Variants in PMEL observed in about 807,000 individuals in gnomAD.
PMEL encodes melanocyte protein PMEL.
PMEL carries 53 observed loss-of-function variants against 64.9 expected under a neutral mutation model. That is an observed-to-expected ratio of 0.82 (90% CI 0.66 to 1.03). PMEL has a LOEUF of 1.03. Among genes scored for constraint, PMEL ranks in the 50% least tolerant of loss-of-function variants. The pLI is 0.00. For missense variants in PMEL, 716 were observed against 814.9 expected, an observed-to-expected ratio of 0.88 and a Z score of 1.48; for synonymous variants, 299 against 316.2, an observed-to-expected ratio of 0.95 and a Z score of 0.58.
At chr12:55,956,033 G>A (rs1228839859) in intron 7 of PMEL, 70 bp downstream of exon 7, 1 of 1,179,174 alleles carries the variant, frequency 8.5e-7, no homozygotes, top group South Asian at 1.2e-5. Flanking sequence ...CTCCCAAGGT[G>A]TGCTTCCACT....
At chr12:55,958,697 G>A (rs996697535) in intron 3 of PMEL, 90 bp from the exon 4 acceptor site, 3 of 1,305,540 alleles carry the variant, frequency 2.3e-6, no homozygotes, top group Non-Finnish European at 3.2e-6. Flanking sequence ...TATCAGAGAG[G>A]GGCTCTGGGA....
chr12:55,958,344 T>C, intron 4 of PMEL, 129 bp downstream of exon 4: 2 of 999,816 alleles, frequency 2.0e-6, no homozygotes, highest in Non-Finnish European at 2.9e-6. Context: ...AGAGAAAAGA[T>C]CTAAGAGGAA....
At position 55,961,436 on chromosome 12, in the gene PMEL, T is replaced by C. The variant is rs1889098515; in HGVS notation, c.215A>G (p.Asn72Ser). 1 of 1,614,076 alleles carries C rather than the reference T, an allele frequency of 6.2e-7. No individual in the cohort carries two copies. The highest frequency in any genetic ancestry group is 8.5e-7 in the Non-Finnish European group (1 of 1,180,020). ...TGCACCAATCAGTGTAGGCCCATCA[T>C]TACTGACCTTGAGGGACACTTGACC... ...RGGQVSLKVS[N>S]DGPTLIGANA... The change falls in exon 3 of 11, where the codon AAT becomes AGT. Residue 72 changes from asparagine to serine, a missense_variant. Asn to Ser is a conservative substitution (Grantham distance 46). Transcript: ENST00000548747.
chr12:55,959,525 C>G (rs1222022082), intron 3 of PMEL, among the ~76,000 whole-genome samples: 1 of 151,936 alleles, frequency 6.6e-6, no homozygotes, highest in African/African-American at 2.4e-5. Context: ...CACTAGGGGG[C>G]CAGGCGCAGT....
intron 1 of PMEL, among the ~76,000 whole-genome samples, chr12:55,962,414 G>A (rs1271003819): frequency 1.8e-5 from 2 of 113,054 alleles, no homozygotes; most frequent in African/African-American, 6.9e-5. Flanking sequence ...TTGCACCAGT[G>A]TACTCCAGCT....
Position 55,954,263 on chromosome 12 carries a change from G to A in PMEL, c.1937C>T (p.Ser646Phe), listed in dbSNP as rs1273071763. ...GGGGCTGTTCTCACCAATGGGACAAGAGCAGAAGATGCGGGGTAGACGCAG... is the reference window on the plus strand; with the variant it reads ...GGGGCTGTTCTCACCAATGGGACAAAAGCAGAAGATGCGGGGTAGACGCAG... Reference protein sequence around the residue: ...HWLRLPRIFCSCPIGENSPLL... With the variant: ...HWLRLPRIFCFCPIGENSPLL... The change falls in exon 11 of 11, where the codon TCT becomes TTT. Residue 646 changes from serine (S) to phenylalanine (F), a missense_variant. By Grantham distance (155) the Ser-to-Phe change is radical. Transcript: ENST00000548747. 2 of 1,613,702 alleles carry A rather than the reference G, an allele frequency of 1.2e-6. No individual in the cohort carries two copies. The highest frequency in any genetic ancestry group is 2.2e-5 in the East Asian group (1 of 44,896).
rs1447159897 is a variant in PMEL at position 55,956,223 on chromosome 12, G to A, written c.1355-4C>T. 1.3e-6 allele frequency: 2 copies of A among 1,591,954 alleles called. No individual in the cohort carries two copies. Among genetic ancestry groups the A allele is most frequent in the East Asian group, 2.2e-5 (1 of 44,806 alleles). ...TCCAGCAGGGGGCCCAGGGAACCTG[G>A]CAGGAGAGGATCAAGGAGGCAAGAT... On this transcript the variant is annotated splice_polypyrimidine_tract_variant and splice_region_variant and intron_variant, in intron 6 of 10. Coordinates refer to ENST00000548747, the MANE Select transcript of PMEL (RefSeq NM_001384361.1).
At chr12:55,965,587 C>T (rs1889269212) in intron 1 of PMEL, among the ~76,000 whole-genome samples, 1 of 152,142 alleles carries the variant, frequency 6.6e-6, no homozygotes, top group Non-Finnish European at 1.5e-5. Context: ...ACCACATTCT[C>T]TGACTCCCCA....
At chr12:55,962,810 C>A (rs1173071725) in intron 1 of PMEL, among the ~76,000 whole-genome samples, 1 of 151,724 alleles carries the variant, frequency 6.6e-6, no homozygotes, top group African/African-American at 2.4e-5. Context: ...GGATTATAGG[C>A]GTGAGCCACT....
At chr12:55,966,707 G>T, upstream of PMEL, 1 of 1,118,534 alleles carries the variant, frequency 8.9e-7, no homozygotes, top group Non-Finnish European at 1.1e-6. Context: ...GGGGAGGAGC[G>T]CTGGGCTCGC....
chr12:55,961,318 A>T lies in PMEL; in HGVS notation c.333T>A (p.Asn111Lys). The change falls in exon 3 of 11, where the codon AAT becomes AAA. Residue 111 changes from asparagine to lysine, a missense_variant and splice_region_variant. Physicochemically the swap from Asn to Lys is moderately conservative, Grantham distance 94. Coordinates refer to ENST00000548747, the MANE Select transcript of PMEL (RefSeq NM_001384361.1). ...GACCTAGAATAGAGAAGTACTCACC[A>T]TTGATGATGGTATTGTTGACCCAGA... ...QVIWVNNTII[N>K]GSQVWGGQPV... is the part of the protein sequence containing the mutation. 1 of 1,614,050 alleles carries T rather than the reference A, an allele frequency of 6.2e-7. No individual in the cohort carries two copies. The highest frequency in any genetic ancestry group is 1.1e-5 in the South Asian group (1 of 91,078).
chr12:55,966,703 G>C, upstream of PMEL: 1 of 1,111,642 alleles, frequency 9.0e-7, no homozygotes, highest in Non-Finnish European at 1.1e-6. Context: ...TTGCGGGGAG[G>C]AGCGCTGGGC....
In PMEL at chr12:55,957,313, T is replaced by C. The variant is rs111553811; in HGVS notation, c.990A>G (p.Thr330=). The C allele has an allele frequency of 4.5e-5, 73 of 1,605,448 alleles. No individual in the cohort carries two copies. In the African/African-American group the frequency reaches 8.4e-4, roughly 19 times the overall value. The change falls in exon 6 of 11, where the codon ACA becomes ACG. Residue 330 remains threonine, a synonymous_variant. Transcript: ENST00000548747. ...PNTTAGQVPT[T]EVVGTTPGQA... ...GACCAGGTGTAGTACCCACAACTTC[T>C]GTAGTAGGCACTTGGCCAGCTGTGG...
chr12:55,962,966 G>A (rs765272381), intron 1 of PMEL, among the ~76,000 whole-genome samples: 10 of 151,908 alleles, frequency 6.6e-5, no homozygotes, highest in Non-Finnish European at 1.2e-4. Context: ...TTCGAGACCA[G>A]CCTGGCCAAG....
At chr12:55,966,207 T>C, upstream of PMEL, 1 of 797,982 alleles carries the variant, frequency 1.3e-6, no homozygotes, top group Non-Finnish European at 1.9e-6. Flanking sequence ...TGCTACTCAA[T>C]GACAGTTTCT....
rs770912351 is a variant in PMEL, at chr12:55,956,113, C to T, written c.1461G>A (p.Leu487=). The change falls in exon 7 of 11, where the codon CTG becomes CTA. Residue 487 remains leucine (L), a synonymous_variant. Transcript: ENST00000548747. The part of the protein sequence containing the change: ...LYRYGSFSVT[L]DIVQGIESAE... ...GTAGGCAAGACTCACGGACAATGTC[C>T]AGGGTGACGGAAAAGGAACCATATC... is the stretch of plus-strand genomic sequence containing the variant. The T allele has an allele frequency of 4.3e-6, 7 of 1,610,436 alleles. No individual in the cohort carries two copies. The African/African-American group carries it at 5.3e-5, about 12-fold the overall frequency.
chr12:55,963,506 T>C (rs1356978317), intron 1 of PMEL, among the ~76,000 whole-genome samples: 2 of 152,246 alleles, frequency 1.3e-5, no homozygotes. Flanking sequence ...TTTTCTTGCA[T>C]AAGCACAATG....
At chr12:55,964,742 C>T (rs998508358) in intron 1 of PMEL, among the ~76,000 whole-genome samples, 1 of 151,886 alleles carries the variant, frequency 6.6e-6, no homozygotes, top group Non-Finnish European at 1.5e-5. Context: ...TCTCATGCCT[C>T]GGCCTCCCAA....
Position 55,954,161 on chromosome 12 carries a change from A to G in PMEL, c.*53T>C, listed in dbSNP as rs1888718546. ...TAGTCTCCCAGGGAAGACTGGGGGA[A>G]ATATAGGTGTTTCTGTCAACTCCAG... On this transcript the variant is annotated 3_prime_UTR_variant, in exon 11 of 11. Coordinates refer to ENST00000548747, the MANE Select transcript of PMEL (RefSeq NM_001384361.1). 2.0e-6 allele frequency: 3 copies of G among 1,529,260 alleles called. No individual in the cohort carries two copies. The Admixed American group carries it at 6.2e-5, about 32-fold the overall frequency. 94.7% of individuals were successfully genotyped at this position (1,529,260 alleles called of 1,614,324 possible). A position where few individuals can be genotyped will look rare whatever the true frequency, so the allele number is the denominator to read the frequency against.
Sources: gnomAD v4.1 joint callset for allele counts (sites outside exome capture counted in the v4.1 genomes callset) on GRCh38, gnomAD v4.1.1 for gene constraint, MANE v1.5 for transcripts, NCBI Gene and HGNC (gene_info 2026-07-23, HGNC 2026-07-21) for gene names.